Variants in INPP5D observed in about 807,000 individuals in gnomAD.
INPP5D encodes the protein phosphatidylinositol 3,4,5-trisphosphate 5-phosphatase 1.
In INPP5D, 33 loss-of-function variants were observed where a neutral mutation model predicts 122.9. That is an observed-to-expected ratio of 0.27 (90% CI 0.20 to 0.36). The LOEUF is 0.36. INPP5D is among the 10% of genes least tolerant of loss of function. INPP5D has a pLI of 1.00. For synonymous variants in INPP5D, 584 were observed against 576.2 expected (o/e 1.01, Z -0.19); for missense variants, 1,053 against 1,412.7 (o/e 0.75, Z 4.08).
At chr2:233,097,643 G>A (rs542745057) in intron 2 of INPP5D, among the ~76,000 whole-genome samples, 1 of 152,260 alleles carries the variant, frequency 6.6e-6, no homozygotes, top group East Asian at 1.9e-4. Flanking sequence ...CTAGGAAAGT[G>A]ATAGTTTCGG....
chr2:233,101,220 C>T lies in INPP5D; in HGVS notation c.199-20887C>T, dbSNP rs1011578204. On this transcript the variant is annotated intron_variant, in intron 2 of 26. Coordinates refer to ENST00000445964, the MANE Select transcript of INPP5D (RefSeq NM_001017915.3). ...CGTGATTTGTAGTGTTTGCCTATTT[C>T]TACCGTGGAGACACTCTAACCACAG... is the stretch of plus-strand genomic sequence containing the variant. 1.1e-3 allele frequency among the ~76,000 whole-genome samples: 162 copies of T among 152,266 alleles called. 2 individuals carry two copies. Among genetic ancestry groups the T allele is most frequent in the African/African-American group, 3.8e-3 (159 of 41,560 alleles).
At chr2:233,086,058 G>A (rs1255143105) in intron 2 of INPP5D, among the ~76,000 whole-genome samples, 5 of 152,184 alleles carry the variant, frequency 3.3e-5, no homozygotes, top group Non-Finnish European at 7.3e-5. Context: ...GAAGAGAAGG[G>A]CTTTGTGGGC....
intron 19 of INPP5D, 23 bp downstream of exon 19, chr2:233,182,522 T>G: frequency 6.2e-7 from 1 of 1,611,048 alleles, no homozygotes; most frequent in Non-Finnish European, 8.5e-7. Flanking sequence ...TGGTGTCTGT[T>G]TCTCTGTTTT....
intron 5 of INPP5D, chr2:233,134,164 A>G (rs1215191121): frequency 2.6e-6 from 1 of 388,000 alleles, no homozygotes; most frequent in African/African-American, 2.1e-5. Context: ...AGGAGGAGGA[A>G]GGAGAGGGTG....
chr2:233,122,108 C>T lies in INPP5D; in HGVS notation c.200C>T (p.Ala67Val). ...TTTGTTTGGATGTTCTGTCCTCAGG[C>T]ATCCGAAGGCGTCTCCATGAGGTTC... is the stretch of plus-strand genomic sequence containing the variant. ...PNEDDKFTVQ[A>V]SEGVSMRFFT... is the part of the protein sequence containing the mutation. The change falls in exon 3 of 27, where the codon GCA becomes GTA. Residue 67 changes from alanine (A) to valine (V), a missense_variant and splice_region_variant. By Grantham distance (64) the Ala-to-Val change is moderately conservative. Transcript: ENST00000445964. 6.2e-7 allele frequency: 1 copy of T among 1,613,880 alleles called. No individual in the cohort carries two copies.
intron 2 of INPP5D, among the ~76,000 whole-genome samples, chr2:233,106,306 C>G (rs749648630): frequency 2.6e-5 from 4 of 152,156 alleles, no homozygotes; most frequent in Non-Finnish European, 4.4e-5. Context: ...CTAATCATGT[C>G]CAGGTCTGTG....
At chr2:233,180,925 C>T (rs1317677244) in intron 18 of INPP5D, among the ~76,000 whole-genome samples, 2 of 152,190 alleles carry the variant, frequency 1.3e-5, no homozygotes, top group Admixed American at 6.5e-5. Context: ...CCACCCACCT[C>T]GGCCTCCCAA....
At chr2:233,151,084 G>A (rs139610650) in intron 9 of INPP5D, among the ~76,000 whole-genome samples, 48 of 152,280 alleles carry the variant, frequency 3.2e-4, no homozygotes, top group African/African-American at 1.2e-3. Context: ...TGTTGTTGCT[G>A]AGAAGTTGGT....
chr2:233,174,620 C>T (rs548769300), intron 17 of INPP5D, among the ~76,000 whole-genome samples: 19 of 151,964 alleles, frequency 1.3e-4, no homozygotes, highest in African/African-American at 4.3e-4. Flanking sequence ...GGCGAAACCC[C>T]ATCTCTACTG....
intron 5 of INPP5D, among the ~76,000 whole-genome samples, chr2:233,132,882 A>C (rs551974350): frequency 7.6e-6 from 1 of 130,772 alleles, no homozygotes; most frequent in Non-Finnish European, 1.6e-5. Flanking sequence ...CAGATGAACA[A>C]GAATTTTTTT....
intron 14 of INPP5D, 120 bp from the exon 15 acceptor site, chr2:233,169,906 T>G: frequency 6.5e-7 from 1 of 1,548,514 alleles, no homozygotes; most frequent in South Asian, 1.2e-5. Context: ...GAGGGCTAAG[T>G]CTCACTTCCC....
rs886233483 is a variant in INPP5D, at chr2:233,128,313, G to A, written c.525-2195G>A. On this transcript the variant is annotated intron_variant, in intron 4 of 26. Coordinates refer to ENST00000445964, the MANE Select transcript of INPP5D (RefSeq NM_001017915.3). The surrounding 1 kb of genome is among the most constrained non-coding windows in gnomAD (Gnocchi z 4.5). ...ACCGGTCCCTTGTGCCAAAAAGGTT[G>A]GGGACCACTGTTTTTAATACTATAG... Among the ~76,000 whole-genome samples the A allele has an allele frequency of 4.6e-5, 7 of 152,176 alleles. No homozygotes were observed. The highest frequency in any genetic ancestry group is 8.8e-5 in the Non-Finnish European group (6 of 68,032).
rs567642730 is a variant in INPP5D at position 233,156,812 on chromosome 2, T to A, written c.1031-1501T>A. Among the ~76,000 whole-genome samples the A allele has an allele frequency of 6.2e-4, 94 of 152,316 alleles. 1 individual carries two copies. Among genetic ancestry groups the A allele is most frequent in the East Asian group, 1.3e-3 (7 of 5,188 alleles). The stretch of plus-strand genomic sequence containing the variant: ...AACAGGTGCTCAGCATAAACCATAT[T>A]GTTTGTACAAACAATGTAGGCACAG... On this transcript the variant is annotated intron_variant, in intron 9 of 26. Coordinates refer to ENST00000445964, the MANE Select transcript of INPP5D (RefSeq NM_001017915.3).
Position 233,060,364 on chromosome 2 carries a change from G to A in INPP5D, c.-115G>A, listed in dbSNP as rs1476458468. The A allele has an allele frequency of 9.6e-6, 12 of 1,247,128 alleles. No individual in the cohort carries two copies. The highest frequency in any genetic ancestry group is 1.5e-5 in the African/African-American group (1 of 66,532). 77.3% of individuals were successfully genotyped at this position (1,247,128 alleles called of 1,614,324 possible). On this transcript the variant is annotated 5_prime_UTR_variant, in exon 1 of 27. Transcript: ENST00000445964. ...GTCAGTTAAGCTGGTGGCAGCAGCC[G>A]AGGCCACCAAGAGGCAACGGGCGGC...
intron 2 of INPP5D, among the ~76,000 whole-genome samples, chr2:233,104,006 CT>C (rs5839471): frequency 0.078 from 6,331 of 81,618 alleles, 208 homozygotes; most frequent in African/African-American, 0.23. Flanking sequence ...TGTGCCCTGC[CT>C]TTTTTTTTTT....
At chr2:233,203,985 T>G (rs536588758) in intron 25 of INPP5D, 141 bp from the exon 26 acceptor site, 2 of 1,336,022 alleles carry the variant, frequency 1.5e-6, no homozygotes, top group South Asian at 3.8e-5. Flanking sequence ...TGCCATTCAG[T>G]AAATTTGCAA....
At chr2:233,081,857 TAAG>T (rs2106212195) in intron 2 of INPP5D, among the ~76,000 whole-genome samples, 1 of 152,202 alleles carries the variant, frequency 6.6e-6, no homozygotes, top group African/African-American at 2.4e-5. Flanking sequence ...TCCCCAGTCC[TAAG>T]AAGGAGTCTG....
chr2:233,185,486 G>C (rs545604132), intron 20 of INPP5D, among the ~76,000 whole-genome samples: 144 of 152,100 alleles, frequency 9.5e-4, no homozygotes, highest in Non-Finnish European at 1.9e-3. Context: ...ATTTCAAAAG[G>C]CTGCTATCTT....
In INPP5D at chr2:233,147,503, A is replaced by G. The variant is rs188006374; in HGVS notation, c.939A>G (p.Lys313=). The part of the protein sequence containing the change: ...VKAESLGIPQ[K]MQLKVDVESG... ...CAGAGTCTCTGGGGATTCCTCAGAAAATGCAGCTCAAAGTCGACGTTGAGT... is the reference window on the plus strand; with the variant it reads ...CAGAGTCTCTGGGGATTCCTCAGAAGATGCAGCTCAAAGTCGACGTTGAGT... Residue 313 remains lysine, a synonymous_variant, in exon 9 of 27, where the codon AAA becomes AAG. Transcript: ENST00000445964. The G allele has an allele frequency of 4.3e-6, 3 of 704,258 alleles. No individual in the cohort carries two copies. The highest frequency in any genetic ancestry group is 2.7e-5 in the East Asian group (1 of 37,432). 43.6% of individuals were successfully genotyped at this position (704,258 alleles called of 1,614,324 possible).
Sources: allele counts gnomAD v4.1 joint callset (sites outside exome capture counted in the v4.1 genomes callset), GRCh38; gene constraint gnomAD v4.1.1; non-coding constraint Gnocchi (gnomAD v3.1); transcripts MANE v1.5; gene names NCBI Gene and HGNC (gene_info 2026-07-23, HGNC 2026-07-21).